FAM13A: variants seen among roughly 807,000 people sequenced by gnomAD.
FAM13A encodes the protein family with sequence similarity 13 member A.
A neutral mutation model predicts 129.6 loss-of-function variants in FAM13A; 76 were observed. That is an observed-to-expected ratio of 0.59 (90% CI 0.49 to 0.71). The LOEUF (loss-of-function observed/expected upper bound fraction) is 0.71, where lower values mean the gene tolerates loss of function less well. FAM13A is among the 30% of genes least tolerant of loss of function. The pLI, the probability that FAM13A is intolerant of heterozygous loss-of-function variation, is 0.00. For missense variants in FAM13A, 1,108 were observed against 1,249.3 expected (o/e 0.89, Z 1.70); for synonymous variants, 443 against 449.9 (o/e 0.98, Z 0.20).
Position 89,057,162 on chromosome 4 carries a change from T to A in FAM13A, c.-198A>T. The A allele has an allele frequency of 4.9e-6, 7 of 1,427,156 alleles. No individual in the cohort carries two copies. The highest frequency in any genetic ancestry group is 4.6e-6 in the Non-Finnish European group (5 of 1,092,192). 88.4% of individuals were successfully genotyped at this position (1,427,156 alleles called of 1,614,324 possible). Reference sequence around the variant, plus strand: ...TGCTTCTCTTTCCGCTGAACCCACATGGCTGGAAGGACTGCCTGGAGTTGA... The same window carrying A: ...TGCTTCTCTTTCCGCTGAACCCACAAGGCTGGAAGGACTGCCTGGAGTTGA... On this transcript the variant is annotated 5_prime_UTR_variant, in exon 1 of 24. The change abolishes an upstream ATG in the 5' untranslated region. Coordinates refer to ENST00000264344, the MANE Select transcript of FAM13A (RefSeq NM_014883.4).
intron 2 of FAM13A, among the ~76,000 whole-genome samples, chr4:89,023,128 G>T (rs980720939): frequency 6.6e-6 from 1 of 152,156 alleles, no homozygotes; most frequent in African/African-American, 2.4e-5. Flanking sequence ...TAACGAATAC[G>T]ATACGCCTTT....
chr4:88,913,587 A>C (rs1229462464), intron 5 of FAM13A, among the ~76,000 whole-genome samples: 6 of 152,290 alleles, frequency 3.9e-5, no homozygotes, highest in South Asian at 4.1e-4. Context: ...AAGAAGAAGA[A>C]GGCGGCAAAT....
At chr4:88,895,909 C>T (rs1342066367) in intron 6 of FAM13A, among the ~76,000 whole-genome samples, 23 of 148,588 alleles carry the variant, frequency 1.5e-4, no homozygotes, top group African/African-American at 5.0e-4. Context: ...ACCCAGCCAT[C>T]GCATTACTGG....
intron 5 of FAM13A, chr4:88,937,188 A>C (rs1191005965): frequency 1.2e-4 from 19 of 152,194 alleles, no homozygotes; most frequent in Admixed American, 1.2e-3. Flanking sequence ...CTTGATACTC[A>C]AACCATTTTA....
At chr4:88,913,730 C>G (rs546144289) in intron 5 of FAM13A, among the ~76,000 whole-genome samples, 110 of 152,218 alleles carry the variant, frequency 7.2e-4, no homozygotes, top group Non-Finnish European at 1.3e-3. Flanking sequence ...TACAGAGAAG[C>G]CTTCTTTTCC....
intron 6 of FAM13A, among the ~76,000 whole-genome samples, chr4:88,872,393 T>C (rs1264604493): frequency 6.6e-6 from 1 of 152,102 alleles, no homozygotes; most frequent in Non-Finnish European, 1.5e-5. Context: ...AGTAGACCCA[T>C]CTCACGTGCA....
chr4:88,751,049 C>G (rs1742491273), intron 14 of FAM13A, among the ~76,000 whole-genome samples: 1 of 152,152 alleles, frequency 6.6e-6, no homozygotes, highest in Admixed American at 6.5e-5. Context: ...TGAGACCAGC[C>G]TGGCCAACAT....
At chr4:88,935,927 TA>T (rs35482575) in intron 5 of FAM13A, among the ~76,000 whole-genome samples, 9 of 151,872 alleles carry the variant, frequency 5.9e-5, no homozygotes, top group East Asian at 3.8e-4. Flanking sequence ...CGAGATCAGT[TA>T]AAAAAAATGC....
Position 88,986,576 on chromosome 4 carries a change from C to T in FAM13A, c.605+4397G>A, listed in dbSNP as rs578021760. Among the ~76,000 whole-genome samples the T allele has an allele frequency of 7.9e-5, 12 of 152,314 alleles. 1 individual carries two copies. In the South Asian group the frequency reaches 2.5e-3, roughly 32 times the overall value. ...TATGCCAAATGGCGAAGACAACCACCCTTTACTTTGAATGCATTCTCTTAG... is the reference window on the plus strand; with the variant it reads ...TATGCCAAATGGCGAAGACAACCACTCTTTACTTTGAATGCATTCTCTTAG... On this transcript the variant is annotated intron_variant, in intron 4 of 23. Transcript: ENST00000264344.
chr4:89,026,130 A>C (rs1767930667), intron 2 of FAM13A, among the ~76,000 whole-genome samples: 1 of 152,236 alleles, frequency 6.6e-6, no homozygotes. Flanking sequence ...TGAACCATAC[A>C]ACCCTACTTA....
chr4:88,943,743 T>C (rs1253057616), intron 4 of FAM13A, among the ~76,000 whole-genome samples: 3 of 152,218 alleles, frequency 2.0e-5, no homozygotes, highest in Non-Finnish European at 2.9e-5. Flanking sequence ...ACTGATGAGT[T>C]TGTGAAACTA....
At chr4:88,762,381 C>T (rs970629712) in intron 13 of FAM13A, among the ~76,000 whole-genome samples, 4 of 152,182 alleles carry the variant, frequency 2.6e-5, no homozygotes, top group African/African-American at 4.8e-5. Flanking sequence ...CAAACCTACA[C>T]CAGCTGGCAC....
At chr4:88,958,541 C>T (rs1758125243) in intron 4 of FAM13A, among the ~76,000 whole-genome samples, 1 of 152,218 alleles carries the variant, frequency 6.6e-6, no homozygotes, top group Admixed American at 6.5e-5. Flanking sequence ...GGTGTTAAGC[C>T]TGCAGGTGCA....
chr4:88,760,019 G>A (rs1457954724), intron 13 of FAM13A, among the ~76,000 whole-genome samples: 1 of 152,192 alleles, frequency 6.6e-6, no homozygotes, highest in African/African-American at 2.4e-5. Flanking sequence ...GGAATAGCTA[G>A]AAATGTATTT....
intron 4 of FAM13A, among the ~76,000 whole-genome samples, chr4:88,973,131 A>ATTTTTTTTTTTTTTTTTTT (rs70959640): frequency 2.2e-5 from 3 of 134,480 alleles, no homozygotes; most frequent in Non-Finnish European, 3.1e-5. Flanking sequence ...CCTAGGCATA[A>ATTTTTTTTTTTTTTTTTTT]TTTTTTTTTT....
At chr4:89,048,055 C>A (rs368567091) in intron 1 of FAM13A, among the ~76,000 whole-genome samples, 5 of 152,242 alleles carry the variant, frequency 3.3e-5, no homozygotes, top group African/African-American at 1.2e-4. Flanking sequence ...AATGGTACAA[C>A]CACTTTGGAA....
At chr4:89,044,098 A>G (rs1043635144) in intron 1 of FAM13A, among the ~76,000 whole-genome samples, 2 of 151,824 alleles carry the variant, frequency 1.3e-5, no homozygotes, top group Non-Finnish European at 2.9e-5. Flanking sequence ...ACCATATCAA[A>G]AAAAAAGACA....
intron 5 of FAM13A, among the ~76,000 whole-genome samples, chr4:88,930,550 C>T (rs909357788): frequency 6.6e-6 from 1 of 152,016 alleles, no homozygotes; most frequent in Non-Finnish European, 1.5e-5. Context: ...ATCAACTAAG[C>T]CAGTATTTGG....
At chr4:88,856,056 TA>T (rs1356493375) in intron 6 of FAM13A, 8 of 152,342 alleles carry the variant, frequency 5.3e-5, no homozygotes, top group African/African-American at 1.4e-4. Context: ...AATAATTTAG[TA>T]AGCTATTATG....
Sources: gnomAD v4.1 joint callset for allele counts (sites outside exome capture counted in the v4.1 genomes callset) on GRCh38, gnomAD v4.1.1 for gene constraint, MANE v1.5 for transcripts, NCBI Gene and HGNC (gene_info 2026-07-23, HGNC 2026-07-21) for gene names.